Variants in PTPRD observed in about 807,000 individuals in gnomAD.
PTPRD encodes the protein receptor-type tyrosine-protein phosphatase delta.
Under a neutral mutation model 214.5 loss-of-function variants are expected in PTPRD, and 34 were observed. The observed-to-expected ratio is 0.16, with a 90% confidence interval of 0.12 to 0.21. PTPRD has a LOEUF of 0.21. Ranked by LOEUF, PTPRD falls within the 10% of genes least tolerant of loss-of-function variation. The pLI, the probability that PTPRD is intolerant of heterozygous loss-of-function variation, is 1.00. For missense variants in PTPRD, 2,545 were observed against 2,398.7 expected, an observed-to-expected ratio of 1.06 and a Z score of -1.27; for synonymous variants, 1,128 against 845.7, an observed-to-expected ratio of 1.33 and a Z score of -5.79.
intron 11 of PTPRD, among the ~76,000 whole-genome samples, chr9:8,793,648 CT>C (rs1249722670): frequency 2.6e-5 from 4 of 152,180 alleles, no homozygotes; most frequent in African/African-American, 9.7e-5. Context: ...ATTCAGAACA[CT>C]TTTGTTTGCA....
At chr9:9,679,154 C>G (rs2097006518) in intron 7 of PTPRD, among the ~76,000 whole-genome samples, 3 of 150,332 alleles carry the variant, frequency 2.0e-5, no homozygotes, top group South Asian at 4.2e-4. Flanking sequence ...AAATGAATTC[C>G]TAAAAGACAA....
At chr9:9,798,734 A>C (rs1048902123) in intron 5 of PTPRD, among the ~76,000 whole-genome samples, 4 of 152,236 alleles carry the variant, frequency 2.6e-5, no homozygotes, top group African/African-American at 9.6e-5. Flanking sequence ...AGAAGGAAAT[A>C]AAGTAGTTGC....
intron 2 of PTPRD, among the ~76,000 whole-genome samples, chr9:10,607,501 C>T (rs1411757692): frequency 6.6e-6 from 1 of 151,742 alleles, no homozygotes; most frequent in Non-Finnish European, 1.5e-5. Flanking sequence ...AAATAAAATG[C>T]AATTGAAGTC....
chr9:10,217,764 T>C (rs754019398), intron 3 of PTPRD, among the ~76,000 whole-genome samples: 7 of 151,940 alleles, frequency 4.6e-5, no homozygotes, highest in Non-Finnish European at 7.4e-5. Context: ...CCCAGGCCAT[T>C]GGGAGTTAAC....
chr9:8,437,081 G>T, intron 34 of PTPRD: 1 of 719,046 alleles, frequency 1.4e-6, no homozygotes, highest in Non-Finnish European at 2.2e-6. Context: ...AAATTGTGTG[G>T]AATTAAATGG....
intron 11 of PTPRD, among the ~76,000 whole-genome samples, chr9:8,822,136 CATT>C: frequency 1.3e-5 from 2 of 152,262 alleles, no homozygotes; most frequent in Middle Eastern, 6.8e-3. Flanking sequence ...TTTCAGTCTC[CATT>C]ATTTCATAAA....
chr9:9,398,538 G>C (rs2068806996), intron 8 of PTPRD, among the ~76,000 whole-genome samples: 1 of 151,784 alleles, frequency 6.6e-6, no homozygotes, highest in Non-Finnish European at 1.5e-5. Context: ...TGCAGTTTCT[G>C]GAATAAAACT....
At position 8,763,675 on chromosome 9, in the gene PTPRD, C is replaced by CA. The variant is rs80084155; in HGVS notation, c.-103-29730dup. On this transcript the variant is annotated intron_variant, in intron 11 of 45. Transcript: ENST00000381196. ...TAAGAGAAAGTGATGTTCCCTAAAA[C>CA]AAAAAAAAAAAAGGTCACAATCTTC... Among the ~76,000 whole-genome samples, 422 of 132,958 alleles carry CA rather than the reference C, an allele frequency of 3.2e-3. 2 individuals carry two copies. The highest frequency in any genetic ancestry group is 8.8e-3 in the African/African-American group (320 of 36,272). The allele number at this position is 132,958 out of a possible 152,430, so 87.2% of individuals were successfully genotyped here. A position where few individuals can be genotyped will look rare whatever the true frequency, so the allele number is the denominator to read the frequency against.
intron 11 of PTPRD, among the ~76,000 whole-genome samples, chr9:8,871,591 C>A (rs905817070): frequency 2.0e-5 from 3 of 152,070 alleles, no homozygotes; most frequent in Non-Finnish European, 4.4e-5. Context: ...CTTTTCATGA[C>A]CTTTGGAAGT....
At chr9:10,538,526 C>G (rs1410377594) in intron 2 of PTPRD, among the ~76,000 whole-genome samples, 1 of 151,998 alleles carries the variant, frequency 6.6e-6, no homozygotes, top group Non-Finnish European at 1.5e-5. Context: ...AATCTTTATA[C>G]AATTTCTTTA....
At chr9:8,348,716 A>T (rs2074552644) in intron 39 of PTPRD, among the ~76,000 whole-genome samples, 2 of 152,062 alleles carry the variant, frequency 1.3e-5, no homozygotes, top group South Asian at 4.1e-4. Flanking sequence ...TTCAAATTAA[A>T]CATGTTTTAT....
intron 9 of PTPRD, among the ~76,000 whole-genome samples, chr9:9,276,781 C>T (rs180880825): frequency 1.5e-4 from 23 of 151,430 alleles, no homozygotes; most frequent in East Asian, 3.9e-4. Context: ...GGGGCTATGA[C>T]GTATTCTTTT....
chr9:8,458,069 C>A (rs948534041), intron 33 of PTPRD, among the ~76,000 whole-genome samples: 1 of 152,040 alleles, frequency 6.6e-6, no homozygotes, highest in Non-Finnish European at 1.5e-5. Flanking sequence ...CTTCATGGGC[C>A]TTCAGATGGT....
intron 2 of PTPRD, among the ~76,000 whole-genome samples, chr9:10,366,142 G>A (rs2154474204): frequency 6.6e-6 from 1 of 152,262 alleles, no homozygotes; most frequent in South Asian, 2.1e-4. Context: ...CTCATCTTTG[G>A]TTGAAACATG....
At chr9:10,378,090 T>C (rs562408471) in intron 2 of PTPRD, among the ~76,000 whole-genome samples, 1 of 152,218 alleles carries the variant, frequency 6.6e-6, no homozygotes, top group Non-Finnish European at 1.5e-5. Flanking sequence ...GCCTGTCTTT[T>C]GGATATAAGC....
At chr9:8,903,040 T>G (rs867411608) in intron 11 of PTPRD, among the ~76,000 whole-genome samples, 1 of 152,272 alleles carries the variant, frequency 6.6e-6, no homozygotes, top group Middle Eastern at 3.4e-3. Context: ...TCTTGAATAA[T>G]GAAACATCAA....
intron 11 of PTPRD, among the ~76,000 whole-genome samples, chr9:8,849,718 T>C (rs954720160): frequency 6.6e-6 from 1 of 152,148 alleles, no homozygotes; most frequent in African/African-American, 2.4e-5. Flanking sequence ...CTGCAGGGAA[T>C]GTGATACTGC....
At chr9:9,627,224 T>C (rs1252191007) in intron 7 of PTPRD, among the ~76,000 whole-genome samples, 1 of 152,120 alleles carries the variant, frequency 6.6e-6, no homozygotes. Flanking sequence ...GGAGAATCGC[T>C]TGAATCTGAG....
rs573303423 is a variant in PTPRD, at chr9:10,329,211, T to C, written c.-545+11752A>G. Among the ~76,000 whole-genome samples, 3 of 151,952 alleles carry C rather than the reference T, an allele frequency of 2.0e-5. No homozygotes were observed. The South Asian group carries it at 6.2e-4, about 31-fold the overall frequency. ...AAGGTCTTAACTTATCATTGTGCAA[T>C]TTATATCATTTGACAATAAATCGCA... On this transcript the variant is annotated intron_variant, in intron 3 of 45. Coordinates refer to ENST00000381196, the MANE Select transcript of PTPRD (RefSeq NM_002839.4).
Sources: allele counts gnomAD v4.1 joint callset (sites outside exome capture counted in the v4.1 genomes callset), GRCh38; gene constraint gnomAD v4.1.1; transcripts MANE v1.5; gene names NCBI Gene and HGNC (gene_info 2026-07-23, HGNC 2026-07-21).